NPEPPS: variants seen among roughly 807,000 people sequenced by gnomAD.
The protein encoded by NPEPPS is puromycin-sensitive aminopeptidase.
Under a neutral mutation model 115.5 loss-of-function variants are expected in NPEPPS, and 14 were observed. That is an observed-to-expected ratio of 0.12 (90% CI 0.08 to 0.19). The LOEUF is 0.19. Among genes scored for constraint, NPEPPS ranks in the 10% least tolerant of loss-of-function variants. The probability of loss-of-function intolerance (pLI) is 1.00; values close to 1 mark genes in which losing one functional copy is unlikely to be tolerated. For synonymous variants in NPEPPS, 285 were observed against 390.6 expected, an observed-to-expected ratio of 0.73 and a Z score of 3.19; for missense variants, 523 against 1,110.8, an observed-to-expected ratio of 0.47 and a Z score of 7.52.
At chr17:47,551,003 A>G (rs960480094) in intron 2 of NPEPPS, among the ~76,000 whole-genome samples, 5 of 152,186 alleles carry the variant, frequency 3.3e-5, no homozygotes, top group Admixed American at 3.3e-4. Flanking sequence ...TCAAGAGACT[A>G]TTTAGCTTTG....
At chr17:47,550,179 C>T (rs1329615919) in intron 2 of NPEPPS, among the ~76,000 whole-genome samples, 3 of 151,954 alleles carry the variant, frequency 2.0e-5, no homozygotes, top group African/African-American at 4.8e-5. Context: ...GTGATCTGCC[C>T]GCCTTGGCCT....
rs1021159199 is a variant in NPEPPS at position 47,604,178 on chromosome 17, G to T, written c.1875+129G>T. 7 of 727,468 alleles carry T rather than the reference G, an allele frequency of 9.6e-6. No homozygotes were observed. The African/African-American group carries it at 1.1e-4, about 11-fold the overall frequency. 45.1% of individuals were successfully genotyped at this position (727,468 alleles called of 1,614,324 possible). ...ATGGTTAAAAACACCTTTGGGACTA[G>T]AGCAAATCACTGTTTTTAATATGAC... On this transcript the variant is annotated intron_variant, in intron 16 of 22. Transcript: ENST00000322157.
At chr17:47,535,299 C>T (rs1188220685) in intron 1 of NPEPPS, among the ~76,000 whole-genome samples, 1 of 141,036 alleles carries the variant, frequency 7.1e-6, no homozygotes, top group Non-Finnish European at 1.5e-5. Flanking sequence ...CGCCTGTAAT[C>T]CCAGCACTTT....
chr17:47,578,220 G>A (rs73985171), intron 3 of NPEPPS, among the ~76,000 whole-genome samples: 27 of 57,602 alleles, frequency 4.7e-4, no homozygotes, highest in East Asian at 2.0e-3. Context: ...AAAAAAAAGA[G>A]AGAAAGTCAC....
chr17:47,613,797 GT>G, intron 19 of NPEPPS, 72 bp downstream of exon 19: 1 of 1,111,558 alleles, frequency 9.0e-7, no homozygotes, highest in Non-Finnish European at 1.3e-6. Context: ...CCTCTAAATG[GT>G]TAAAAAAAAA....
At chr17:47,553,331 C>A (rs1345714080) in intron 2 of NPEPPS, among the ~76,000 whole-genome samples, 1 of 151,020 alleles carries the variant, frequency 6.6e-6, no homozygotes, top group African/African-American at 2.4e-5. Context: ...CAAGATCACG[C>A]CATTGCACTC....
chr17:47,563,839 G>T (rs1910617767), intron 2 of NPEPPS, among the ~76,000 whole-genome samples: 1 of 152,138 alleles, frequency 6.6e-6, no homozygotes, highest in Non-Finnish European at 1.5e-5. Flanking sequence ...AAAAGTGCTG[G>T]TATTACAGGC....
At position 47,612,499 on chromosome 17, in the gene NPEPPS, A is replaced by G. The variant is rs1442169634; in HGVS notation, c.2135A>G (p.Lys712Arg). Residue 712 changes from lysine to arginine, a missense_variant, in exon 18 of 23, where the codon AAA becomes AGA. Physicochemically the swap from Lys to Arg is conservative, Grantham distance 26 (BLOSUM62 2). This residue lies in a region of NPEPPS where 372 missense variants were observed against 542.6 expected (regional missense o/e 0.69). Transcript: ENST00000322157. Reference protein sequence around the residue: ...DALLRGLVLGKLGKAGHKATL... With the variant: ...DALLRGLVLGRLGKAGHKATL... The stretch of plus-strand genomic sequence containing the variant: ...CTCCTGAGGGGCTTGGTTCTGGGAA[A>G]ACTAGGAAAAGCAGGACATAAGGCA... The G allele has an allele frequency of 3.1e-6, 5 of 1,613,916 alleles. No homozygotes were observed. The highest frequency in any genetic ancestry group is 4.2e-6 in the Non-Finnish European group (5 of 1,179,874).
chr17:47,585,866 A>G, intron 6 of NPEPPS, 166 bp downstream of exon 6: 1 of 646,760 alleles, frequency 1.5e-6, no homozygotes, highest in Non-Finnish European at 2.6e-6. Flanking sequence ...GTGTTTCATT[A>G]TTTTACAAAA....
At chr17:47,555,753 C>T (rs539977607) in intron 2 of NPEPPS, among the ~76,000 whole-genome samples, 4 of 151,810 alleles carry the variant, frequency 2.6e-5, no homozygotes, top group Admixed American at 6.6e-5. Context: ...TTTCCTGGTA[C>T]ATAAGGAAGA....
intron 19 of NPEPPS, among the ~76,000 whole-genome samples, chr17:47,616,355 C>T (rs181998478): frequency 3.9e-5 from 6 of 152,084 alleles, no homozygotes; most frequent in Non-Finnish European, 5.9e-5. Flanking sequence ...CAAGACCAGC[C>T]TGGGCAACAT....
At chr17:47,538,168 C>CT (rs1375190101) in intron 1 of NPEPPS, among the ~76,000 whole-genome samples, 7 of 146,126 alleles carry the variant, frequency 4.8e-5, no homozygotes, top group Non-Finnish European at 7.5e-5. Context: ...GCTGGGATTA[C>CT]AAGTGTGAGC....
intron 14 of NPEPPS, among the ~76,000 whole-genome samples, chr17:47,600,981 G>T (rs1375483285): frequency 6.6e-6 from 1 of 152,118 alleles, no homozygotes; most frequent in Non-Finnish European, 1.5e-5. Context: ...CCAGCACTTT[G>T]GGAGGCTGAG....
chr17:47,547,797 C>T (rs1271279787), intron 2 of NPEPPS, among the ~76,000 whole-genome samples: 45 of 152,178 alleles, frequency 3.0e-4, no homozygotes, highest in Admixed American at 7.2e-4. Context: ...GAGGCCGAGG[C>T]GGGTGGATCA....
chr17:47,586,494 G>A (rs1386221831), intron 8 of NPEPPS, 96 bp downstream of exon 8: 3 of 849,546 alleles, frequency 3.5e-6, no homozygotes, highest in African/African-American at 3.4e-5. Context: ...TCTGCTTTAC[G>A]ATATGGTGTA....
chr17:47,617,080 A>T (rs1199880636), intron 19 of NPEPPS, among the ~76,000 whole-genome samples: 2 of 152,194 alleles, frequency 1.3e-5, no homozygotes, highest in Admixed American at 6.5e-5. Context: ...ACTATGGAAG[A>T]TTTAGAGACT....
At chr17:47,613,267 T>A (rs1473754375) in intron 18 of NPEPPS, among the ~76,000 whole-genome samples, 2 of 139,592 alleles carry the variant, frequency 1.4e-5, no homozygotes, top group African/African-American at 2.7e-5. Context: ...CTTTTTTTTT[T>A]TTTTTTTTTT....
At chr17:47,618,988 T>C (rs1173415833) in intron 20 of NPEPPS, 21 bp from the exon 21 acceptor site, 2 of 1,609,254 alleles carry the variant, frequency 1.2e-6, no homozygotes, top group African/African-American at 2.7e-5. Flanking sequence ...ACTAGACTTT[T>C]AGCTCTCTTT....
intron 1 of NPEPPS, among the ~76,000 whole-genome samples, chr17:47,536,550 C>T (rs563315219): frequency 1.5e-4 from 22 of 150,926 alleles, no homozygotes; most frequent in Non-Finnish European, 2.5e-4. Context: ...TGCGTCACCA[C>T]GCCCAGCTAA....
Sources: gnomAD v4.1 joint callset for allele counts (sites outside exome capture counted in the v4.1 genomes callset) on GRCh38, gnomAD v4.1.1 for gene constraint, gnomAD v4.1.1 regional missense constraint, MANE v1.5 for transcripts, NCBI Gene and HGNC (gene_info 2026-07-23, HGNC 2026-07-21) for gene names.